The following SVIL variants were observed in gnomAD, a reference collection of about 807,000 sequenced individuals.
SVIL encodes the protein supervillin, also known as archvillin.
SVIL carries 101 observed loss-of-function variants against 240.4 expected under a neutral mutation model. That is an observed-to-expected ratio of 0.42 (90% confidence interval 0.36 to 0.50). SVIL has a LOEUF of 0.50. Among genes scored for constraint, SVIL ranks in the 20% least tolerant of loss-of-function variants. SVIL has a pLI of 0.01. For synonymous variants in SVIL, 999 were observed against 1,100.0 expected, an observed-to-expected ratio of 0.91 and a Z score of 1.82; for missense variants, 2,512 against 2,818.7, an observed-to-expected ratio of 0.89 and a Z score of 2.46.
At chr10:29,529,640 CTT>C (rs2132555161) in intron 12 of SVIL, 63 bp downstream of exon 12, 1 of 1,509,818 alleles carries the variant, frequency 6.6e-7, no homozygotes, top group Non-Finnish European at 8.8e-7. Context: ...ATTGAACACT[CTT>C]TAAATGTATT....
In SVIL at chr10:29,462,358, G is replaced by C; in HGVS notation, c.6321C>G (p.His2107Gln). The C allele has an allele frequency of 6.2e-7, 1 of 1,614,204 alleles. No homozygotes were observed. The highest frequency in any genetic ancestry group is 8.5e-7 in the Non-Finnish European group (1 of 1,180,034). The change falls in exon 36 of 38, where the codon CAC becomes CAG. Residue 2107 changes from histidine to glutamine, a missense_variant. Physicochemically the swap from His to Gln is conservative, Grantham distance 24. This residue lies in a region of SVIL where 797 missense variants were observed against 925.3 expected (regional missense o/e 0.86). Coordinates refer to ENST00000355867, the MANE Select transcript of SVIL (RefSeq NM_021738.3). ...TGAATGTCAGGGGCTCCAGACCAGC[G>C]TGGATAAGGTAAGACTTGGGGGCTG... ...KKPAPKSYLI[H>Q]AGLEPLTFTN...
rs184673242 is a variant in SVIL, at chr10:29,577,944, T to C, written c.-200-8632A>G. Among the ~76,000 whole-genome samples, 740 of 152,296 alleles carry C rather than the reference T, an allele frequency of 4.9e-3. 44 individuals are homozygous for C. The South Asian group carries it at 0.11, about 23-fold the overall frequency. Reference sequence around the variant, plus strand: ...TGACTCAAATAAATGGGTCCGTGAATTGGAATAATTAATATTGTTAAAGTT... The same window carrying C: ...TGACTCAAATAAATGGGTCCGTGAACTGGAATAATTAATATTGTTAAAGTT... On this transcript the variant is annotated intron_variant, in intron 1 of 37. Transcript: ENST00000355867.
chr10:29,727,552 C>T (rs925617273), intron 1 of SVIL, among the ~76,000 whole-genome samples: 12 of 152,014 alleles, frequency 7.9e-5, no homozygotes, highest in African/African-American at 2.9e-4. Flanking sequence ...AAACACGCAA[C>T]AGAAGCTTTG....
At chr10:29,708,963 G>A (rs192727020) in intron 1 of SVIL, among the ~76,000 whole-genome samples, 58 of 152,198 alleles carry the variant, frequency 3.8e-4, no homozygotes, top group African/African-American at 1.3e-3. Context: ...ACAGTACAAA[G>A]ATAATGTTAG....
chr10:29,514,294 C>T (rs183502730), intron 16 of SVIL, among the ~76,000 whole-genome samples: 2 of 151,348 alleles, frequency 1.3e-5, no homozygotes, highest in Non-Finnish European at 2.9e-5. Flanking sequence ...TGGAGTGCAG[C>T]GGCACAATCA....
At chr10:29,630,220 A>G (rs1343669984) in intron 1 of SVIL, among the ~76,000 whole-genome samples, 1 of 152,162 alleles carries the variant, frequency 6.6e-6, no homozygotes, top group African/African-American at 2.4e-5. Flanking sequence ...AAAGTGCCCC[A>G]AAAATATGGA....
At chr10:29,678,183 A>T (rs1330327928) in intron 2 of SVIL, among the ~76,000 whole-genome samples, 1 of 151,966 alleles carries the variant, frequency 6.6e-6, no homozygotes, top group Non-Finnish European at 1.5e-5. Flanking sequence ...TTATTGTGCA[A>T]TTTATTATTA....
intron 1 of SVIL, among the ~76,000 whole-genome samples, chr10:29,595,777 T>G (rs1443086789): frequency 6.6e-6 from 1 of 152,164 alleles, no homozygotes; most frequent in Non-Finnish European, 1.5e-5. Context: ...GCACTTTACC[T>G]GCCATTGCCC....
intron 2 of SVIL, among the ~76,000 whole-genome samples, chr10:29,668,850 T>C (rs934627522): frequency 2.0e-5 from 3 of 152,112 alleles, no homozygotes; most frequent in African/African-American, 7.2e-5. Context: ...TACTGTACTA[T>C]TGAAAAAACA....
At chr10:29,729,081 G>A (rs1328149406) in intron 1 of SVIL, among the ~76,000 whole-genome samples, 1 of 152,156 alleles carries the variant, frequency 6.6e-6, no homozygotes, top group Non-Finnish European at 1.5e-5. Flanking sequence ...GCTGCATAAG[G>A]AATACTAGAG....
At chr10:29,527,725 T>A (rs1045032846) in intron 12 of SVIL, among the ~76,000 whole-genome samples, 1 of 94,276 alleles carries the variant, frequency 1.1e-5, no homozygotes, top group Non-Finnish European at 2.5e-5. Flanking sequence ...GGGCCCAGCC[T>A]TTTTTTTTTT....
At chr10:29,530,226 T>TA (rs895599951) in intron 11 of SVIL, among the ~76,000 whole-genome samples, 8 of 152,078 alleles carry the variant, frequency 5.3e-5, no homozygotes. Context: ...ATGGGGGTAG[T>TA]AAAAATTCTT....
At chr10:29,632,551 A>G (rs1300271235) in intron 1 of SVIL, among the ~76,000 whole-genome samples, 3 of 152,170 alleles carry the variant, frequency 2.0e-5, no homozygotes, top group African/African-American at 7.2e-5. Context: ...GTTGCCAAAG[A>G]TGTTCACTCT....
At chr10:29,726,695 C>G (rs954283155) in intron 1 of SVIL, among the ~76,000 whole-genome samples, 1 of 151,936 alleles carries the variant, frequency 6.6e-6, no homozygotes, top group African/African-American at 2.4e-5. Flanking sequence ...TGCGGTGAGC[C>G]AAGATCACGC....
intron 1 of SVIL, among the ~76,000 whole-genome samples, chr10:29,628,615 C>T (rs1401702151): frequency 2.0e-5 from 3 of 152,174 alleles, no homozygotes; most frequent in Non-Finnish European, 2.9e-5. Flanking sequence ...TTTGGGTCTT[C>T]GCCCAGAACC....
chr10:29,532,975 T>C lies in SVIL; in HGVS notation c.1392A>G (p.Leu464=), dbSNP rs2132567144. The change falls in exon 8 of 38, where the codon CTA becomes CTG. Residue 464 remains leucine, a synonymous_variant. Transcript: ENST00000355867. The part of the protein sequence containing the change: ...KTLLALEGDG[L]VRSPEDPSRN... ...TAGAGGGATCTTCTGGGCTTCTCAC[T>C]AGCCCATCACCCTCCAAAGCCAGTA... The C allele has an allele frequency of 6.2e-7, 1 of 1,614,140 alleles. No individual in the cohort carries two copies. Among genetic ancestry groups the C allele is most frequent in the Non-Finnish European group, 8.5e-7 (1 of 1,180,026 alleles).
intron 1 of SVIL, among the ~76,000 whole-genome samples, chr10:29,726,575 C>T (rs1452084103): frequency 1.3e-5 from 2 of 151,910 alleles, no homozygotes; most frequent in Non-Finnish European, 2.9e-5. Context: ...GATGAAACCC[C>T]GCCTCTACTA....
intron 36 of SVIL, among the ~76,000 whole-genome samples, chr10:29,459,699 A>G (rs944152300): frequency 1.1e-4 from 17 of 152,294 alleles, no homozygotes; most frequent in Middle Eastern, 3.4e-3. Context: ...TTGGGACCCC[A>G]GATTGGCTGC....
chr10:29,625,358 A>G (rs1957820818), intron 1 of SVIL, among the ~76,000 whole-genome samples: 1 of 152,224 alleles, frequency 6.6e-6, no homozygotes, highest in Non-Finnish European at 1.5e-5. Flanking sequence ...AATGAAATCA[A>G]CGTTTTATAG....
Sources: allele counts gnomAD v4.1 joint callset (sites outside exome capture counted in the v4.1 genomes callset), GRCh38; gene constraint gnomAD v4.1.1; regional missense constraint gnomAD v4.1.1; transcripts MANE v1.5; gene names NCBI Gene and HGNC (gene_info 2026-07-23, HGNC 2026-07-21).